AGAP1: variants seen among roughly 807,000 people sequenced by gnomAD.
AGAP1 encodes arf-GAP with GTPase, ANK repeat and PH domain-containing protein 1.
Under a neutral mutation model 105.3 loss-of-function variants are expected in AGAP1, and 29 were observed. That is an observed-to-expected ratio of 0.28 (90% CI 0.21 to 0.38). AGAP1 has a LOEUF of 0.38. Among genes scored for constraint, AGAP1 ranks in the 10% least tolerant of loss-of-function variants. AGAP1 has a pLI of 1.00. For missense variants in AGAP1, 998 were observed against 1,165.1 expected (o/e 0.86, Z 2.09); for synonymous variants, 509 against 485.9 (o/e 1.05, Z -0.63).
Position 235,720,173 on chromosome 2 carries a change from G to A in AGAP1, c.310+2529G>A, listed in dbSNP as rs1389451615. ...AGAAGCCGTGTTTCTTTCATACCAC[G>A]GTCTTGCCATCCTGAAATTCCCTCT... is the stretch of plus-strand genomic sequence containing the variant. On this transcript the variant is annotated intron_variant, in intron 3 of 17. Transcript: ENST00000304032. The surrounding 1 kb of genome is among the most constrained non-coding windows in gnomAD (Gnocchi z 5.0). Among the ~76,000 whole-genome samples the A allele has an allele frequency of 6.6e-6, 1 of 152,168 alleles. No homozygotes were observed. Among genetic ancestry groups the A allele is most frequent in the Non-Finnish European group, 1.5e-5 (1 of 68,028 alleles).
At position 236,008,449 on chromosome 2, in the gene AGAP1, T is replaced by A. The variant is rs142223025; in HGVS notation, c.1646-28112T>A. ...CTGACAATGTGCAAAACAAAAAGTC[T>A]ACATTAGAAATTTATCATGAAGTTA... On this transcript the variant is annotated intron_variant, in intron 13 of 17. Transcript: ENST00000304032. 4.1e-4 allele frequency among the ~76,000 whole-genome samples: 62 copies of A among 152,376 alleles called. 2 individuals carry two copies. The highest frequency in any genetic ancestry group is 8.5e-4 in the Admixed American group (13 of 15,306).
At chr2:235,779,537 T>G in intron 6 of AGAP1, among the ~76,000 whole-genome samples, 1 of 152,168 alleles carries the variant, frequency 6.6e-6, no homozygotes, top group South Asian at 2.1e-4. Flanking sequence ...CCGCTGGCTC[T>G]CCGGGTTCTG....
At chr2:235,702,934 G>GTGTTTTTTT (rs1553609552) in intron 1 of AGAP1, among the ~76,000 whole-genome samples, 3 of 88,946 alleles carry the variant, frequency 3.4e-5, no homozygotes, top group Non-Finnish European at 6.6e-5. Context: ...AGTTTTCTTG[G>GTGTTTTTTT]TTTTTTTTTT....
intron 13 of AGAP1, among the ~76,000 whole-genome samples, chr2:235,985,080 G>A (rs528211709): frequency 6.6e-6 from 1 of 152,288 alleles, no homozygotes; most frequent in Admixed American, 6.5e-5. Flanking sequence ...CAGTGTAAAA[G>A]CATTCCTATT....
chr2:235,807,390 G>A (rs1315074023), intron 9 of AGAP1, 59 bp downstream of exon 9: 5 of 1,477,490 alleles, frequency 3.4e-6, no homozygotes, highest in African/African-American at 2.9e-5. Context: ...AGGTCTTCCT[G>A]GAGATGATGC....
Position 236,120,133 on chromosome 2 carries a change from C to CT in AGAP1, c.2115-58dup. ...TTCTCCCGACCACACTGGGCAGGGGCTGGCAGCCTGTGTTCTCGGGCCTGA... is the reference window on the plus strand; with the variant it reads ...TTCTCCCGACCACACTGGGCAGGGGCTTGGCAGCCTGTGTTCTCGGGCCTGA... On this transcript the variant is annotated intron_variant, in intron 16 of 17. Coordinates refer to ENST00000304032, the MANE Select transcript of AGAP1 (RefSeq NM_001037131.3). This position sits in a 1 kb window ranked among gnomAD's most constrained non-coding sequence, Gnocchi z 6.0. 2 of 1,563,312 alleles carry CT rather than the reference C, an allele frequency of 1.3e-6. No individual in the cohort carries two copies. Among genetic ancestry groups the CT allele is most frequent in the Non-Finnish European group, 8.7e-7 (1 of 1,152,872 alleles).
rs1043548879 is a variant in AGAP1 at position 236,014,713 on chromosome 2, T to C, written c.1646-21848T>C. On this transcript the variant is annotated intron_variant, in intron 13 of 17. Transcript: ENST00000304032. The surrounding 1 kb of genome is among the most constrained non-coding windows in gnomAD (Gnocchi z 6.3). The stretch of plus-strand genomic sequence containing the variant: ...TCGGAGGCAACGTCACGTGCTACTT[T>C]GACCTTTTTTTTTCTCCCCTTTTCA... The C allele has an allele frequency of 3.7e-5, 13 of 348,754 alleles. 1 individual carries two copies. The highest frequency in any genetic ancestry group is 7.4e-5 in the Non-Finnish European group (13 of 174,716). The allele number at this position is 348,754 out of a possible 1,614,324, so 21.6% of individuals were successfully genotyped here. A position where few individuals can be genotyped will look rare whatever the true frequency, so the allele number is the denominator to read the frequency against.
rs1360653694 is a variant in AGAP1 at position 235,965,094 on chromosome 2, C to T, written c.1484-3368C>T. ...GGGTACAGTTAACCAAGGAGGTTTACCAGATGTCCACCGTGGAAAGCAAGT... is the reference window on the plus strand; with the variant it reads ...GGGTACAGTTAACCAAGGAGGTTTATCAGATGTCCACCGTGGAAAGCAAGT... On this transcript the variant is annotated intron_variant, in intron 12 of 17. Transcript: ENST00000304032. The surrounding 1 kb of genome is among the most constrained non-coding windows in gnomAD (Gnocchi z 5.8). 6.6e-6 allele frequency among the ~76,000 whole-genome samples: 1 copy of T among 152,184 alleles called. No individual in the cohort carries two copies. Among genetic ancestry groups the T allele is most frequent in the Non-Finnish European group, 1.5e-5 (1 of 68,040 alleles).
At chr2:236,108,043 C>T (rs1402420438) in intron 16 of AGAP1, among the ~76,000 whole-genome samples, 1 of 152,378 alleles carries the variant, frequency 6.6e-6, no homozygotes. Context: ...CTCCTCCCCG[C>T]ATGCGGGATT....
At position 235,799,923 on chromosome 2, in the gene AGAP1, G is replaced by T. The variant is rs1053505186; in HGVS notation, c.957+401G>T. On this transcript the variant is annotated intron_variant, in intron 8 of 17. Transcript: ENST00000304032. This position sits in a 1 kb window ranked among gnomAD's most constrained non-coding sequence, Gnocchi z 5.0. ...CACAGGCCCTCTTCTTCTTCTGCTGGGGTGCCTGGCGCTGCCCTCGGGGTG... is the reference window on the plus strand; with the variant it reads ...CACAGGCCCTCTTCTTCTTCTGCTGTGGTGCCTGGCGCTGCCCTCGGGGTG... Among the ~76,000 whole-genome samples the T allele has an allele frequency of 4.0e-5, 6 of 151,882 alleles. No individual in the cohort carries two copies. Among genetic ancestry groups the T allele is most frequent in the Non-Finnish European group, 7.4e-5 (5 of 67,974 alleles).
intron 13 of AGAP1, among the ~76,000 whole-genome samples, chr2:235,996,567 C>T (rs1530939): frequency 0.34 from 51,213 of 152,122 alleles, 8,934 homozygotes; most frequent in South Asian, 0.43. Context: ...CTGACGTCAG[C>T]ATGACCTGGC....
chr2:235,625,146 T>C lies in AGAP1; in HGVS notation c.164-84033T>C, dbSNP rs1031780097. On this transcript the variant is annotated intron_variant, in intron 1 of 17. Coordinates refer to ENST00000304032, the MANE Select transcript of AGAP1 (RefSeq NM_001037131.3). This position sits in a 1 kb window ranked among gnomAD's most constrained non-coding sequence, Gnocchi z 4.0. ...CATTGGATGAGGAAGGCTCTCGGAATCATTCCAGGTGCCTGCTCTAGACTC... is the reference window on the plus strand; with the variant it reads ...CATTGGATGAGGAAGGCTCTCGGAACCATTCCAGGTGCCTGCTCTAGACTC... Among the ~76,000 whole-genome samples the C allele has an allele frequency of 2.0e-5, 3 of 152,220 alleles. No individual in the cohort carries two copies. Among genetic ancestry groups the C allele is most frequent in the Non-Finnish European group, 2.9e-5 (2 of 68,042 alleles).
rs1285630966 is a variant in AGAP1 at position 235,788,165 on chromosome 2, G to C, written c.674-9594G>C. On this transcript the variant is annotated intron_variant, in intron 6 of 17. Transcript: ENST00000304032. This position sits in a 1 kb window ranked among gnomAD's most constrained non-coding sequence, Gnocchi z 6.0. ...AGGACATGATCATACACAGTACTTA[G>C]CTCAAGTGCACAGAGAAGCAGAGTG... Among the ~76,000 whole-genome samples, 1 of 152,142 alleles carries C rather than the reference G, an allele frequency of 6.6e-6. No homozygotes were observed.
rs2054757843 is a variant in AGAP1 at position 235,973,945 on chromosome 2, T to C, written c.1645+5322T>C. Among the ~76,000 whole-genome samples the C allele has an allele frequency of 6.6e-6, 1 of 152,122 alleles. No individual in the cohort carries two copies. ...TGCAGATCTTTAATGGCTTGTCAGC[T>C]CTTGGCATTGTCTTTGAATTACAGT... On this transcript the variant is annotated intron_variant, in intron 13 of 17. Transcript: ENST00000304032. This position sits in a 1 kb window ranked among gnomAD's most constrained non-coding sequence, Gnocchi z 4.7.
intron 9 of AGAP1, among the ~76,000 whole-genome samples, chr2:235,869,240 G>C (rs542128808): frequency 6.6e-5 from 10 of 151,984 alleles, no homozygotes; most frequent in African/African-American, 2.4e-4. Flanking sequence ...CCTTACTGCC[G>C]TTTGGGTTAT....
chr2:236,030,139 G>T (rs2057181045), intron 13 of AGAP1, among the ~76,000 whole-genome samples: 1 of 152,172 alleles, frequency 6.6e-6, no homozygotes, highest in African/African-American at 2.4e-5. Context: ...GACTCTCACT[G>T]TTACTCTTAA....
At chr2:235,920,344 G>A (rs912100737) in intron 11 of AGAP1, among the ~76,000 whole-genome samples, 2 of 152,148 alleles carry the variant, frequency 1.3e-5, no homozygotes, top group East Asian at 1.9e-4. Context: ...AGTAACCCAG[G>A]GATGGGAGGG....
chr2:235,978,073 A>G (rs759276386), intron 13 of AGAP1, among the ~76,000 whole-genome samples: 30 of 152,078 alleles, frequency 2.0e-4, no homozygotes, highest in South Asian at 1.5e-3. Context: ...TCTTTTTCTT[A>G]TAAGAACACC....
Position 235,719,187 on chromosome 2 carries a change from G to A in AGAP1, c.310+1543G>A, listed in dbSNP as rs1009504994. Among the ~76,000 whole-genome samples the A allele has an allele frequency of 6.6e-6, 1 of 152,200 alleles. No individual in the cohort carries two copies. The highest frequency in any genetic ancestry group is 6.5e-5 in the Admixed American group (1 of 15,282). On this transcript the variant is annotated intron_variant, in intron 3 of 17. Coordinates refer to ENST00000304032, the MANE Select transcript of AGAP1 (RefSeq NM_001037131.3). The surrounding 1 kb of genome is among the most constrained non-coding windows in gnomAD (Gnocchi z 4.9). ...AGTTACATGAGTCGGGCCTGGTTTT[G>A]TTGCTGTTGCTCTGGCAGTCTCTGG...
Sources: allele counts gnomAD v4.1 joint callset (sites outside exome capture counted in the v4.1 genomes callset), GRCh38; gene constraint gnomAD v4.1.1; non-coding constraint Gnocchi (gnomAD v3.1); transcripts MANE v1.5; gene names NCBI Gene and HGNC (gene_info 2026-07-23, HGNC 2026-07-21).